RGS6: variants seen among roughly 807,000 people sequenced by gnomAD.
RGS6 encodes regulator of G-protein signaling 6.
RGS6 carries 30 observed loss-of-function variants against 78.5 expected under a neutral mutation model. That is an observed-to-expected ratio of 0.38 (90% confidence interval 0.29 to 0.52). The LOEUF (loss-of-function observed/expected upper bound fraction) is 0.52, where lower values mean the gene tolerates loss of function less well. RGS6 is among the 20% of genes least tolerant of loss of function. The pLI, the probability that RGS6 is intolerant of heterozygous loss-of-function variation, is 0.85. For missense variants in RGS6, 495 were observed against 609.7 expected, an observed-to-expected ratio of 0.81 and a Z score of 1.98; for synonymous variants, 206 against 206.0, an observed-to-expected ratio of 1.00 and a Z score of 0.00.
chr14:72,432,769 C>G (rs917441189), intron 3 of RGS6, among the ~76,000 whole-genome samples: 1 of 152,128 alleles, frequency 6.6e-6, no homozygotes, highest in Non-Finnish European at 1.5e-5. Flanking sequence ...CACATGCTAC[C>G]CTTTTGGTTG....
At chr14:72,548,940 G>T (rs2097454177) in intron 17 of RGS6, among the ~76,000 whole-genome samples, 1 of 152,210 alleles carries the variant, frequency 6.6e-6, no homozygotes, top group African/African-American at 2.4e-5. Context: ...CAAGGATAGT[G>T]CAGAGTAGGT....
At chr14:72,524,559 C>A (rs193028052) in intron 15 of RGS6, among the ~76,000 whole-genome samples, 2 of 152,332 alleles carry the variant, frequency 1.3e-5, no homozygotes, top group East Asian at 3.9e-4. Context: ...TCTCAGAGTA[C>A]CAAGGATGTT....
the RGS6 span, among the ~76,000 whole-genome samples, chr14:71,906,388 T>A: frequency 6.6e-6 from 1 of 152,188 alleles, no homozygotes; most frequent in East Asian, 1.9e-4. Context: ...TGGTCTGATC[T>A]ACTTTAGGTC....
At chr14:72,145,628 G>T (rs979123696) in intron 2 of RGS6, among the ~76,000 whole-genome samples, 4 of 152,124 alleles carry the variant, frequency 2.6e-5, no homozygotes, top group Non-Finnish European at 4.4e-5. Context: ...ACAGGCATCT[G>T]CCACCACACT....
At chr14:71,987,016 C>G (rs961347364) in intron 2 of RGS6, among the ~76,000 whole-genome samples, 1 of 152,162 alleles carries the variant, frequency 6.6e-6, no homozygotes, top group African/African-American at 2.4e-5. Flanking sequence ...ATCTCAGAGT[C>G]CTTAACTTAG....
chr14:72,426,107 T>A (rs530753159), intron 3 of RGS6, among the ~76,000 whole-genome samples: 26 of 152,294 alleles, frequency 1.7e-4, no homozygotes, highest in Admixed American at 1.2e-3. Flanking sequence ...TTATGTTAAT[T>A]TTTGTTGCGA....
chr14:72,230,449 T>C (rs974485021), intron 2 of RGS6, among the ~76,000 whole-genome samples: 8 of 152,160 alleles, frequency 5.3e-5, no homozygotes, highest in African/African-American at 1.7e-4. Flanking sequence ...AGTTGAGGGT[T>C]TGAAGGATGA....
In RGS6 at chr14:72,050,546, C is replaced by A. The variant is rs558641155; in HGVS notation, c.84+85671C>A. On this transcript the variant is annotated intron_variant, in intron 2 of 17. Coordinates refer to ENST00000553525, the MANE Select transcript of RGS6 (RefSeq NM_001204424.2). ...GAAATGGTACTCTTTAGTCTTGATA[C>A]ATAGAGAAGTAGAGATTTAGGAATA... is the stretch of plus-strand genomic sequence containing the variant. Among the ~76,000 whole-genome samples, 6 of 152,070 alleles carry A rather than the reference C, an allele frequency of 3.9e-5. No individual in the cohort carries two copies. The South Asian group carries it at 1.2e-3, about 32-fold the overall frequency.
chr14:72,213,232 AAT>A (rs1352153802), intron 2 of RGS6, among the ~76,000 whole-genome samples: 5 of 152,138 alleles, frequency 3.3e-5, no homozygotes, highest in African/African-American at 1.2e-4. Context: ...GGAGCTATGA[AAT>A]AGACAGGTTT....
intron 2 of RGS6, among the ~76,000 whole-genome samples, chr14:72,027,750 C>T (rs1237680584): frequency 6.6e-6 from 1 of 152,112 alleles, no homozygotes. Context: ...CATTTTTTCC[C>T]TTAGTCATTA....
intron 2 of RGS6, among the ~76,000 whole-genome samples, chr14:72,005,467 A>ATCTATCTATCTATCTATCTG (rs1555428453): frequency 0.015 from 2,317 of 151,272 alleles, 45 homozygotes; most frequent in African/African-American, 0.05. Context: ...CTATCTATCT[A>ATCTATCTATCTATCTATCTG]TATCTCCCTA....
chr14:72,499,655 G>T (rs771655285), intron 13 of RGS6, among the ~76,000 whole-genome samples: 23 of 151,898 alleles, frequency 1.5e-4, no homozygotes, highest in East Asian at 3.9e-4. Flanking sequence ...TTTTTTTGGG[G>T]TTTTTTTGTT....
chr14:72,467,971 G>T (rs757682567), intron 7 of RGS6, among the ~76,000 whole-genome samples: 1 of 152,128 alleles, frequency 6.6e-6, no homozygotes, highest in Non-Finnish European at 1.5e-5. Flanking sequence ...CCTCCTGTGT[G>T]TCTCTTCCCC....
intron 1 of RGS6, among the ~76,000 whole-genome samples, chr14:71,957,186 G>A (rs1485957746): frequency 6.6e-6 from 1 of 152,208 alleles, no homozygotes; most frequent in Non-Finnish European, 1.5e-5. Flanking sequence ...TGGTGAAGGT[G>A]TTAGGGAAGC....
intron 7 of RGS6, among the ~76,000 whole-genome samples, chr14:72,467,092 C>T (rs2095937127): frequency 6.6e-6 from 1 of 152,142 alleles, no homozygotes; most frequent in South Asian, 2.1e-4. Context: ...TGACAGAGCC[C>T]AGAAACCAAA....
At chr14:72,169,887 G>A (rs943202038) in intron 2 of RGS6, among the ~76,000 whole-genome samples, 2 of 152,152 alleles carry the variant, frequency 1.3e-5, no homozygotes, top group African/African-American at 2.4e-5. Flanking sequence ...TAGGGAATCC[G>A]AATCTGCATT....
intron 2 of RGS6, among the ~76,000 whole-genome samples, chr14:72,314,942 G>A (rs764324825): frequency 2.6e-5 from 4 of 152,166 alleles, no homozygotes; most frequent in Admixed American, 6.5e-5. Flanking sequence ...AGAAACACAC[G>A]ACCAGAAATT....
At chr14:72,208,977 TGTG>T (rs1374408098) in intron 2 of RGS6, among the ~76,000 whole-genome samples, 1 of 151,954 alleles carries the variant, frequency 6.6e-6, no homozygotes, top group East Asian at 1.9e-4. Flanking sequence ...AAAAGTCAGA[TGTG>T]GTGGCACACA....
intron 2 of RGS6, among the ~76,000 whole-genome samples, chr14:72,271,450 G>A (rs2059922942): frequency 6.6e-6 from 1 of 152,176 alleles, no homozygotes; most frequent in African/African-American, 2.4e-5. Context: ...CACGACACAT[G>A]GGAATTATGG....
Sources: gnomAD v4.1 joint callset for allele counts (sites outside exome capture counted in the v4.1 genomes callset) on GRCh38, gnomAD v4.1.1 for gene constraint, MANE v1.5 for transcripts, NCBI Gene and HGNC (gene_info 2026-07-23, HGNC 2026-07-21) for gene names.